Variants in CSMD1 observed in about 807,000 individuals in gnomAD.
CSMD1 encodes CUB and Sushi multiple domains 1.
A neutral mutation model predicts 417.5 loss-of-function variants in CSMD1; 213 were observed. That is an observed-to-expected ratio of 0.51 (90% CI 0.46 to 0.57). The LOEUF is 0.57. Among genes scored for constraint, CSMD1 ranks in the 20% least tolerant of loss-of-function variants. CSMD1 has a pLI of 0.00. For missense variants in CSMD1, 6,923 were observed against 4,529.7 expected (o/e 1.53, Z -15.17); for synonymous variants, 2,862 against 1,736.8 (o/e 1.65, Z -16.11).
At chr8:3,094,250 C>T (rs1279467907) in intron 47 of CSMD1, among the ~76,000 whole-genome samples, 2 of 152,006 alleles carry the variant, frequency 1.3e-5, no homozygotes, top group South Asian at 2.1e-4. Flanking sequence ...GGATTACAGG[C>T]GCCTGCCACC....
At chr8:4,040,974 C>T (rs1167260806) in intron 3 of CSMD1, among the ~76,000 whole-genome samples, 1 of 151,274 alleles carries the variant, frequency 6.6e-6, no homozygotes, top group Non-Finnish European at 1.5e-5. Context: ...ACTAGTGAAT[C>T]CTCACGTGGT....
chr8:3,386,055 T>C (rs542256007), intron 18 of CSMD1, among the ~76,000 whole-genome samples: 4 of 152,318 alleles, frequency 2.6e-5, no homozygotes, highest in African/African-American at 7.2e-5. Context: ...TTAAGATTGG[T>C]AAGTGGCAAA....
chr8:3,412,478 CTT>C (rs1212769864), intron 12 of CSMD1, among the ~76,000 whole-genome samples: 1 of 152,052 alleles, frequency 6.6e-6, no homozygotes, highest in African/African-American at 2.4e-5. Flanking sequence ...AGAGGAGAAA[CTT>C]TACTTCTAAG....
At chr8:3,369,232 G>C (rs759820316) in intron 19 of CSMD1, 22 bp downstream of exon 19, 4 of 1,155,670 alleles carry the variant, frequency 3.5e-6, no homozygotes, top group Non-Finnish European at 5.2e-6. Context: ...CTGTATGTTT[G>C]AGACCTATGA....
At chr8:3,383,517 G>A (rs1810774653) in intron 18 of CSMD1, among the ~76,000 whole-genome samples, 1 of 152,094 alleles carries the variant, frequency 6.6e-6, no homozygotes, top group Non-Finnish European at 1.5e-5. Context: ...ATGCATGGAG[G>A]GAAGCCTTCT....
At chr8:3,995,967 G>C (rs1225519891) in intron 5 of CSMD1, among the ~76,000 whole-genome samples, 1 of 152,156 alleles carries the variant, frequency 6.6e-6, no homozygotes, top group Non-Finnish European at 1.5e-5. Flanking sequence ...CAGGCACCAA[G>C]AAGACAGTGG....
intron 3 of CSMD1, among the ~76,000 whole-genome samples, chr8:4,334,187 G>C (rs900540934): frequency 1.3e-5 from 2 of 152,114 alleles, no homozygotes; most frequent in Admixed American, 6.6e-5. Flanking sequence ...GATTACAGGT[G>C]TGAGCCACCA....
intron 6 of CSMD1, among the ~76,000 whole-genome samples, chr8:3,710,527 T>G (rs1033569627): frequency 2.0e-5 from 3 of 152,164 alleles, no homozygotes; most frequent in African/African-American, 7.2e-5. Flanking sequence ...TGGGCTTAGG[T>G]GGACAATTGC....
chr8:3,027,135 T>C (rs1159138923), intron 51 of CSMD1, among the ~76,000 whole-genome samples: 2 of 152,126 alleles, frequency 1.3e-5, no homozygotes, highest in Admixed American at 6.5e-5. Context: ...GTTTAAAATA[T>C]ATATAGTAGA....
chr8:4,317,200 A>G (rs1190789244), intron 3 of CSMD1, among the ~76,000 whole-genome samples: 1 of 152,166 alleles, frequency 6.6e-6, no homozygotes, highest in Non-Finnish European at 1.5e-5. Flanking sequence ...TCAATGGGTT[A>G]TATTTTATTT....
At chr8:4,796,483 G>C (rs190375065) in intron 1 of CSMD1, among the ~76,000 whole-genome samples, 3 of 148,594 alleles carry the variant, frequency 2.0e-5, no homozygotes, top group Non-Finnish European at 3.0e-5. Flanking sequence ...CTTCTTGACA[G>C]TTTTACCACC....
At chr8:4,027,370 A>C (rs1797116399) in intron 4 of CSMD1, among the ~76,000 whole-genome samples, 1 of 152,132 alleles carries the variant, frequency 6.6e-6, no homozygotes, top group African/African-American at 2.4e-5. Context: ...ATTGTAACCT[A>C]AATTCTAATC....
intron 16 of CSMD1, among the ~76,000 whole-genome samples, 181 bp downstream of exon 16, chr8:3,399,210 G>C (rs771343480): frequency 6.6e-6 from 1 of 152,168 alleles, no homozygotes; most frequent in Non-Finnish European, 1.5e-5. Context: ...CTCACTGTGG[G>C]CTTAGAGGAT....
rs757861731 is a variant in CSMD1 at position 2,965,917 on chromosome 8, G to A, written c.9138C>T (p.Gly3046=). Residue 3046 remains glycine (G), a synonymous_variant, in exon 59 of 70, where the codon GGC becomes GGT. Transcript: ENST00000635120. ...SCGDPGTLAN[G]IQFGTDFTFN... ...AGGTGAAGTCGGTCCCAAACTGGAT[G>A]CCATTTGCTAGTGTGCCTGGATCCC... 16 of 1,609,654 alleles carry A rather than the reference G, an allele frequency of 9.9e-6. No individual in the cohort carries two copies. In the East Asian group the frequency reaches 3.1e-4, roughly 31 times the overall value.
chr8:3,028,319 T>C (rs775462117), intron 51 of CSMD1, among the ~76,000 whole-genome samples: 1 of 152,104 alleles, frequency 6.6e-6, no homozygotes, highest in East Asian at 1.9e-4. Context: ...CTGGCAAGAA[T>C]GTCGGGAAGG....
intron 3 of CSMD1, among the ~76,000 whole-genome samples, chr8:4,176,300 C>T (rs1284959183): frequency 1.3e-5 from 2 of 152,124 alleles, no homozygotes; most frequent in East Asian, 1.9e-4. Context: ...TAGCAAGTGT[C>T]CATCTTATCT....
intron 1 of CSMD1, among the ~76,000 whole-genome samples, chr8:4,678,804 G>A (rs62484571): frequency 0.085 from 12,948 of 152,232 alleles, 601 homozygotes; most frequent in Middle Eastern, 0.12. Context: ...CCTTTAACCT[G>A]TATGTAGCAA....
At chr8:3,653,412 G>A (rs528957130) in intron 7 of CSMD1, among the ~76,000 whole-genome samples, 36 of 152,032 alleles carry the variant, frequency 2.4e-4, no homozygotes, top group African/African-American at 6.8e-4. Context: ...GGATTCAAAC[G>A]ATTGTCCTGC....
chr8:3,924,137 T>C (rs1053248188), intron 5 of CSMD1, among the ~76,000 whole-genome samples: 7 of 152,200 alleles, frequency 4.6e-5, no homozygotes, highest in African/African-American at 1.7e-4. Context: ...TCTCTCCATT[T>C]ATGAAGGACA....
Sources: allele counts gnomAD v4.1 joint callset (sites outside exome capture counted in the v4.1 genomes callset), GRCh38; gene constraint gnomAD v4.1.1; transcripts MANE v1.5; gene names NCBI Gene and HGNC (gene_info 2026-07-23, HGNC 2026-07-21).